PHACTR1: variants seen among roughly 807,000 people sequenced by gnomAD.
PHACTR1 encodes the protein phosphatase and actin regulator 1, also known as RPEL repeat containing 1.
PHACTR1 carries 16 observed loss-of-function variants against 69.2 expected under a neutral mutation model. The observed-to-expected ratio is 0.23, with a 90% confidence interval of 0.16 to 0.35. The LOEUF (loss-of-function observed/expected upper bound fraction) is 0.35. Among genes scored for constraint, PHACTR1 ranks in the 10% least tolerant of loss-of-function variants. The pLI is 1.00. For missense variants in PHACTR1, 510 were observed against 734.7 expected, an observed-to-expected ratio of 0.69 and a Z score of 3.54; for synonymous variants, 312 against 284.5, an observed-to-expected ratio of 1.10 and a Z score of -0.97.
intron 4 of PHACTR1, among the ~76,000 whole-genome samples, chr6:12,820,152 C>T (rs1776042821): frequency 6.6e-6 from 1 of 152,116 alleles, no homozygotes; most frequent in Non-Finnish European, 1.5e-5. Flanking sequence ...ATTGAGTATT[C>T]ACTCATCAGT....
chr6:12,847,621 A>T (rs921950862), intron 4 of PHACTR1, among the ~76,000 whole-genome samples: 2 of 152,010 alleles, frequency 1.3e-5, no homozygotes, highest in African/African-American at 4.8e-5. Context: ...CAATTATACT[A>T]CCTCAATGAG....
At chr6:13,141,194 C>T (rs905062690) in intron 5 of PHACTR1, among the ~76,000 whole-genome samples, 1 of 152,174 alleles carries the variant, frequency 6.6e-6, no homozygotes, top group Non-Finnish European at 1.5e-5. Flanking sequence ...CCTTTATCCC[C>T]TCCCTAACTC....
rs916520341 is a variant in PHACTR1 at position 13,229,322 on chromosome 6, G to A, written c.1235-715G>A. ...AGTTTTGACAACCAAAAAATGCCTT[G>A]GGATTTTGCCAGGTGTTCCCTGGGG... On this transcript the variant is annotated intron_variant, in intron 9 of 14. Transcript: ENST00000332995. Among the ~76,000 whole-genome samples the A allele has an allele frequency of 2.6e-5, 4 of 152,160 alleles. No homozygotes were observed. The South Asian group carries it at 8.3e-4, about 32-fold the overall frequency.
intron 4 of PHACTR1, among the ~76,000 whole-genome samples, chr6:12,764,812 G>A (rs1768417919): frequency 6.6e-6 from 1 of 152,098 alleles, no homozygotes; most frequent in African/African-American, 2.4e-5. Context: ...AGGAGAAAAT[G>A]TCTAGAGGTC....
At chr6:12,749,196 G>C (rs1053206586) in intron 3 of PHACTR1, among the ~76,000 whole-genome samples, 5 of 152,228 alleles carry the variant, frequency 3.3e-5, no homozygotes, top group Non-Finnish European at 7.3e-5. Flanking sequence ...GCGTAAGCGC[G>C]TTTGGCGGGA....
intron 5 of PHACTR1, among the ~76,000 whole-genome samples, chr6:13,135,534 A>G (rs1223407324): frequency 6.6e-6 from 1 of 152,226 alleles, no homozygotes; most frequent in Non-Finnish European, 1.5e-5. Context: ...AAGACTTTTC[A>G]TCTGGATACA....
chr6:13,107,086 TTC>T (rs35821925), intron 5 of PHACTR1, among the ~76,000 whole-genome samples: 31,056 of 150,410 alleles, frequency 0.21, 3,288 homozygotes, highest in African/African-American at 0.24. Context: ...AGATGTTTCC[TTC>T]TCTCTCTCTC....
Position 13,272,915 on chromosome 6 carries a change from C to T in PHACTR1, c.1447C>T (p.Pro483Ser), listed in dbSNP as rs768030733. 2.5e-6 allele frequency: 4 copies of T among 1,613,882 alleles called. No individual in the cohort carries two copies. Among genetic ancestry groups the T allele is most frequent in the African/African-American group, 1.3e-5 (1 of 74,918 alleles). The change falls in exon 11 of 15, where the codon CCT (proline) becomes TCT (serine). Residue 483 changes from proline to serine, a missense_variant and splice_region_variant. By Grantham distance (74) the Pro-to-Ser change is moderately conservative. Around this residue, in one of 2 missense-constraint regions of PHACTR1, gnomAD observed 91 missense variants for 203.8 expected, o/e 0.45. Transcript: ENST00000332995. ...ACTGGAACAGAGGAACATTTTGAAA[C>T]GTAAGTGACTAAGCCCATGGCAATC... ...EELEQRNILK[P>S]RNEQEEQEEK...
intron 4 of PHACTR1, among the ~76,000 whole-genome samples, chr6:12,981,721 C>G (rs1419570082): frequency 6.6e-6 from 1 of 152,186 alleles, no homozygotes; most frequent in Non-Finnish European, 1.5e-5. Flanking sequence ...AACAGGAAGT[C>G]TCTGAACTAC....
intron 4 of PHACTR1, among the ~76,000 whole-genome samples, chr6:12,779,105 G>C (rs1770473885): frequency 6.6e-6 from 1 of 152,234 alleles, no homozygotes; most frequent in African/African-American, 2.4e-5. Context: ...AGAGGCCGAG[G>C]CTGGCGGGTC....
intron 4 of PHACTR1, among the ~76,000 whole-genome samples, chr6:12,896,277 G>T (rs970263254): frequency 6.6e-6 from 1 of 152,162 alleles, no homozygotes; most frequent in African/African-American, 2.4e-5. Flanking sequence ...ATCAGAATAG[G>T]CTTCAATTGT....
chr6:12,739,907 C>A lies in PHACTR1; in HGVS notation c.104-9737C>A, dbSNP rs560157420. Among the ~76,000 whole-genome samples the A allele has an allele frequency of 5.9e-5, 9 of 152,304 alleles. No individual in the cohort carries two copies. In the South Asian group the frequency reaches 1.5e-3, roughly 25 times the overall value. ...ACAAATATAAAACGTGTGACTTGAA[C>A]TTTTACAAAAGTTATCACCTTTTCT... On this transcript the variant is annotated intron_variant, in intron 3 of 14. Transcript: ENST00000332995.
chr6:13,263,146 G>A (rs1397604948), intron 10 of PHACTR1, among the ~76,000 whole-genome samples: 2 of 151,640 alleles, frequency 1.3e-5, no homozygotes, highest in Non-Finnish European at 2.9e-5. Context: ...TGCCTGCTCT[G>A]CATACATTTA....
At chr6:12,771,092 T>C (rs937857669) in intron 4 of PHACTR1, among the ~76,000 whole-genome samples, 1 of 152,058 alleles carries the variant, frequency 6.6e-6, no homozygotes, top group Non-Finnish European at 1.5e-5. Context: ...AAGCTCATGA[T>C]AACAACATGA....
chr6:13,103,600 T>C (rs544992344), intron 5 of PHACTR1, among the ~76,000 whole-genome samples: 3 of 152,344 alleles, frequency 2.0e-5, no homozygotes, highest in East Asian at 3.9e-4. Context: ...TAGAAGTGTT[T>C]CTTTGTTCTG....
intron 7 of PHACTR1, among the ~76,000 whole-genome samples, chr6:13,188,872 C>T (rs760718942): frequency 7.2e-5 from 11 of 152,116 alleles, no homozygotes; most frequent in Non-Finnish European, 1.2e-4. Context: ...GTACAGTGTC[C>T]GACAGAGCTT....
chr6:12,838,158 C>T (rs897009383), intron 4 of PHACTR1, among the ~76,000 whole-genome samples: 6 of 152,206 alleles, frequency 3.9e-5, no homozygotes, highest in African/African-American at 1.4e-4. Context: ...TGTATAATTA[C>T]AGAAGTGACA....
intron 4 of PHACTR1, among the ~76,000 whole-genome samples, chr6:13,045,398 C>T (rs116633818): frequency 2.1e-3 from 316 of 152,192 alleles, no homozygotes; most frequent in African/African-American, 7.1e-3. Flanking sequence ...TCATCTTTAC[C>T]GTCATAATAG....
At chr6:12,754,128 ATTTTTTT>A (rs34841058) in intron 4 of PHACTR1, among the ~76,000 whole-genome samples, 1 of 112,428 alleles carries the variant, frequency 8.9e-6, no homozygotes, top group Non-Finnish European at 1.8e-5. Context: ...ACGCCTGGCT[ATTTTTTT>A]TTTTTTTTTT....
Sources: gnomAD v4.1 joint callset for allele counts (sites outside exome capture counted in the v4.1 genomes callset) on GRCh38, gnomAD v4.1.1 for gene constraint, gnomAD v4.1.1 regional missense constraint, MANE v1.5 for transcripts, NCBI Gene and HGNC (gene_info 2026-07-23, HGNC 2026-07-21) for gene names.